Variants in UQCRC2 observed in about 807,000 individuals in gnomAD.
UQCRC2 encodes the protein cytochrome b-c1 complex subunit 2, mitochondrial.
A neutral mutation model predicts 55.6 loss-of-function variants in UQCRC2; 49 were observed. The observed-to-expected ratio is 0.88, with a 90% CI of 0.70 to 1.12. The LOEUF (loss-of-function observed/expected upper bound fraction) is 1.12. Ranked by LOEUF, UQCRC2 falls within the 50% of genes most tolerant of loss-of-function variation. The probability of loss-of-function intolerance (pLI) is 0.00; values close to 1 mark genes in which losing one functional copy is unlikely to be tolerated. For synonymous variants in UQCRC2, 193 were observed against 192.0 expected, an observed-to-expected ratio of 1.01 and a Z score of -0.04; for missense variants, 506 against 547.8, an observed-to-expected ratio of 0.92 and a Z score of 0.76.
chr16:21,958,413 A>G (rs1898127381), intron 3 of UQCRC2, 122 bp from the exon 4 acceptor site: 11 of 835,266 alleles, frequency 1.3e-5, no homozygotes, highest in Non-Finnish European at 2.1e-5. Context: ...CTTAACTAAA[A>G]AGGATGCAGG....
chr16:21,982,908 G>A lies in UQCRC2; in HGVS notation c.1279-180G>A, dbSNP rs147963797. Among the ~76,000 whole-genome samples, 5 of 147,028 alleles carry A rather than the reference G, an allele frequency of 3.4e-5. No individual in the cohort carries two copies. The East Asian group carries it at 7.9e-4, about 23-fold the overall frequency. On this transcript the variant is annotated intron_variant, in intron 13 of 13. Coordinates refer to ENST00000268379, the MANE Select transcript of UQCRC2 (RefSeq NM_003366.4). ...GAACCTGGGAGGCGGAGGCTGCAGT[G>A]AGCCAAGATCGCAGCACTGCACTCC... is the stretch of plus-strand genomic sequence containing the variant.
intron 4 of UQCRC2, among the ~76,000 whole-genome samples, chr16:21,958,993 A>C (rs879677959): frequency 2.0e-4 from 31 of 152,346 alleles, no homozygotes; most frequent in Middle Eastern, 3.4e-3. Context: ...ACATAACCTT[A>C]ATTTTAAAAT....
chr16:21,981,639 C>G (rs186062309), intron 13 of UQCRC2, among the ~76,000 whole-genome samples: 214 of 151,766 alleles, frequency 1.4e-3, no homozygotes, highest in African/African-American at 4.6e-3. Flanking sequence ...CCTGTAGTCC[C>G]AGCTACTCAG....
In UQCRC2 at chr16:21,973,885, T is replaced by C. The variant is rs370284711; in HGVS notation, c.967-11T>C. The C allele has an allele frequency of 2.6e-5, 42 of 1,611,678 alleles. No homozygotes were observed. Among genetic ancestry groups the C allele is most frequent in the Non-Finnish European group, 3.4e-5 (40 of 1,178,848 alleles). ...TAGAATATCATACAGTAAAGTCTCA[T>C]TATCTTTCAGGTTTCTGCATTTAAT... On this transcript the variant is annotated splice_polypyrimidine_tract_variant and intron_variant, in intron 10 of 13. Coordinates refer to ENST00000268379, the MANE Select transcript of UQCRC2 (RefSeq NM_003366.4).
chr16:21,972,583 A>G (rs1332489601), intron 10 of UQCRC2, among the ~76,000 whole-genome samples: 1 of 152,182 alleles, frequency 6.6e-6, no homozygotes, highest in Non-Finnish European at 1.5e-5. Context: ...ATTTGAAAAG[A>G]AAAATGAGAG....
chr16:21,962,275 A>ATTTGC (rs1012759000), intron 4 of UQCRC2, 185 bp from the exon 5 acceptor site: 4 of 623,552 alleles, frequency 6.4e-6, no homozygotes, highest in Non-Finnish European at 1.1e-5. Context: ...AGGTTGAATT[A>ATTTGC]TTTGCTGGTT....
chr16:21,959,034 T>C (rs1294459253), intron 4 of UQCRC2, among the ~76,000 whole-genome samples: 1 of 152,232 alleles, frequency 6.6e-6, no homozygotes, highest in South Asian at 2.1e-4. Flanking sequence ...TTAACAGTTA[T>C]CTGAATCTTC....
chr16:21,979,328 C>T (rs1056071460), intron 12 of UQCRC2, among the ~76,000 whole-genome samples: 1 of 152,156 alleles, frequency 6.6e-6, no homozygotes, highest in Non-Finnish European at 1.5e-5. Context: ...GGAGGAAAAC[C>T]ATCGCAATTT....
chr16:21,965,644 CT>C (rs2141935177), intron 7 of UQCRC2, 139 bp downstream of exon 7: 1 of 632,220 alleles, frequency 1.6e-6, no homozygotes, highest in Non-Finnish European at 2.4e-6. Context: ...CATCCACCTG[CT>C]TTTTAACTAA....
chr16:21,972,066 A>G lies in UQCRC2; in HGVS notation c.910A>G (p.Asn304Asp). Reference sequence around the variant, plus strand: ...TGGGCCACATGTCAAGAGGGGCAGCAACACCACCAGCCATCTGCACCAGGC... The same window carrying G: ...TGGGCCACATGTCAAGAGGGGCAGCGACACCACCAGCCATCTGCACCAGGC... ...GAGPHVKRGS[N>D]TTSHLHQAVA... Residue 304 changes from asparagine (N) to aspartate (D), a missense_variant, in exon 10 of 14, where the codon AAC (asparagine) becomes GAC (aspartate). Asn to Asp is a conservative substitution (Grantham distance 23, BLOSUM62 1). Coordinates refer to ENST00000268379, the MANE Select transcript of UQCRC2 (RefSeq NM_003366.4). The G allele has an allele frequency of 2.5e-6, 4 of 1,614,140 alleles. No homozygotes were observed. The highest frequency in any genetic ancestry group is 3.4e-6 in the Non-Finnish European group (4 of 1,180,004).
chr16:21,974,071 G>A, intron 11 of UQCRC2, 95 bp downstream of exon 11: 1 of 1,110,968 alleles, frequency 9.0e-7, no homozygotes, highest in Non-Finnish European at 1.3e-6. Flanking sequence ...ATGTTTGAAT[G>A]CAGTGCAATG....
At position 21,965,428 on chromosome 16, in the gene UQCRC2, G is replaced by A. The variant is rs773525083; in HGVS notation, c.535G>A (p.Ala179Thr). The change falls in exon 7 of 14, where the codon GCA becomes ACA. Residue 179 changes from alanine (A) to threonine (T), a missense_variant. By Grantham distance (58) the Ala-to-Thr change is moderately conservative. Transcript: ENST00000268379. ...CACAGATGTCATTGAAAATTTGCAT[G>A]CAGCAGCTTACCGGAATGCCTTGGC... ...PQTHVIENLH[A>T]AAYRNALANP... The A allele has an allele frequency of 6.2e-7, 1 of 1,613,878 alleles. No homozygotes were observed. Among genetic ancestry groups the A allele is most frequent in the South Asian group, 1.1e-5 (1 of 91,084 alleles).
chr16:21,983,010 A>C lies in UQCRC2; in HGVS notation c.1279-78A>C, dbSNP rs1237993480. On this transcript the variant is annotated intron_variant, in intron 13 of 13. Transcript: ENST00000268379. ...AATGTCCTATCCATAAATTCTTGAA[A>C]TGACAAAATAAGTTCGCCTGCTTGA... 9.0e-6 allele frequency: 12 copies of C among 1,332,096 alleles called. No individual in the cohort carries two copies. In the East Asian group the frequency reaches 2.6e-4, roughly 29 times the overall value. 82.5% of individuals were successfully genotyped at this position (1,332,096 alleles called of 1,614,324 possible).
Position 21,958,609 on chromosome 16 carries a change from A to G in UQCRC2, c.332+10A>G. 1 of 1,609,554 alleles carries G rather than the reference A, an allele frequency of 6.2e-7. No individual in the cohort carries two copies. Among genetic ancestry groups the G allele is most frequent in the Non-Finnish European group, 8.5e-7 (1 of 1,177,730 alleles). ...TTGGTGGCAAATTAAGGTTTGTTAA[A>G]TAAGTAATAGAAAATAGTGAAAATG... On this transcript the variant is annotated intron_variant, in intron 4 of 13. Transcript: ENST00000268379.
At position 21,962,949 on chromosome 16, in the gene UQCRC2, A is replaced by C. The variant is rs1898241172; in HGVS notation, c.514+64A>C. The C allele has an allele frequency of 3.9e-6, 6 of 1,528,470 alleles. No individual in the cohort carries two copies. In the South Asian group the frequency reaches 6.4e-5, roughly 16 times the overall value. The allele number at this position is 1,528,470 out of a possible 1,614,324, so 94.7% of individuals were successfully genotyped here. A position where few individuals can be genotyped will look rare whatever the true frequency, so the allele number is the denominator to read the frequency against. ...TGGGTTTTTTAGAAGATCAATTTAT[A>C]GAAGAAAAAAAATTGCTGTCAAAAT... On this transcript the variant is annotated intron_variant, in intron 6 of 13. Coordinates refer to ENST00000268379, the MANE Select transcript of UQCRC2 (RefSeq NM_003366.4).
At chr16:21,976,045 A>G in intron 11 of UQCRC2, 122 bp from the exon 12 acceptor site, 1 of 639,374 alleles carries the variant, frequency 1.6e-6, no homozygotes, top group South Asian at 2.0e-5. Context: ...CCGCATGGAC[A>G]CTGTGCTGTT....
chr16:21,956,721 G>C (rs1298438923), intron 1 of UQCRC2, among the ~76,000 whole-genome samples: 1 of 152,124 alleles, frequency 6.6e-6, no homozygotes, highest in African/African-American at 2.4e-5. Flanking sequence ...ATAAATAGAG[G>C]TTTAAGAATG....
At chr16:21,962,391 T>TATAAC in intron 4 of UQCRC2, 69 bp from the exon 5 acceptor site, 2 of 1,569,010 alleles carry the variant, frequency 1.3e-6, no homozygotes, top group East Asian at 2.2e-5. Flanking sequence ...AATTGGTTGA[T>TATAAC]AGAAGATTAT....
chr16:21,962,710 T>C, intron 5 of UQCRC2, 51 bp from the exon 6 acceptor site: 2 of 1,612,164 alleles, frequency 1.2e-6, no homozygotes, highest in Non-Finnish European at 1.7e-6. Context: ...GAATCTCAAA[T>C]GTTGGCTTTA....
Sources: gnomAD v4.1 joint callset for allele counts (sites outside exome capture counted in the v4.1 genomes callset) on GRCh38, gnomAD v4.1.1 for gene constraint, MANE v1.5 for transcripts, NCBI Gene and HGNC (gene_info 2026-07-23, HGNC 2026-07-21) for gene names.